TBC1D14: variants seen among roughly 807,000 people sequenced by gnomAD.
The protein encoded by TBC1D14 is TBC1 domain family member 14, also known as TBC1 domain family, member 14.
In TBC1D14, 26 loss-of-function variants were observed where a neutral mutation model predicts 79.0. That is an observed-to-expected ratio of 0.33 (90% CI 0.24 to 0.46). The LOEUF is 0.46. Among genes scored for constraint, TBC1D14 ranks in the 20% least tolerant of loss-of-function variants. The probability of loss-of-function intolerance (pLI) is 1.00; values close to 1 mark genes in which losing one functional copy is unlikely to be tolerated. For missense variants in TBC1D14, 769 were observed against 887.6 expected, an observed-to-expected ratio of 0.87 and a Z score of 1.70; for synonymous variants, 394 against 349.9, an observed-to-expected ratio of 1.13 and a Z score of -1.40.
At chr4:6,959,620 C>G (rs1405016880) in intron 2 of TBC1D14, among the ~76,000 whole-genome samples, 2 of 152,328 alleles carry the variant, frequency 1.3e-5, no homozygotes, top group East Asian at 3.9e-4. Context: ...GCGCTCCATG[C>G]AGCCCCTTCT....
At chr4:6,953,491 C>G (rs1304703123) in intron 2 of TBC1D14, among the ~76,000 whole-genome samples, 5 of 142,568 alleles carry the variant, frequency 3.5e-5, no homozygotes, top group South Asian at 2.2e-4. Context: ...ATTAGCCGGG[C>G]GAGGTGGCGG....
At chr4:6,914,498 G>C (rs560963067) in intron 1 of TBC1D14, among the ~76,000 whole-genome samples, 63 of 152,344 alleles carry the variant, frequency 4.1e-4, no homozygotes, top group African/African-American at 1.5e-3. Context: ...GTGTGTAGCA[G>C]TGGAAACAGT....
chr4:7,027,822 C>T (rs1348075549), intron 13 of TBC1D14, among the ~76,000 whole-genome samples: 1 of 147,304 alleles, frequency 6.8e-6, no homozygotes. Context: ...CCCTTAAATA[C>T]ACAGTCACCC....
intron 3 of TBC1D14, among the ~76,000 whole-genome samples, chr4:6,970,561 G>T (rs987307403): frequency 2.0e-5 from 3 of 152,276 alleles, no homozygotes; most frequent in African/African-American, 7.2e-5. Flanking sequence ...CATCTGCTTG[G>T]CCAACAAGTA....
intron 3 of TBC1D14, among the ~76,000 whole-genome samples, chr4:6,977,060 C>CCCG (rs1716782509): frequency 4.3e-5 from 1 of 23,520 alleles, no homozygotes; most frequent in Non-Finnish European, 1.2e-4. Flanking sequence ...CTCTCCCTCT[C>CCCG]CCTCCTCTCC....
chr4:6,976,146 G>C (rs1416690331), intron 3 of TBC1D14, among the ~76,000 whole-genome samples: 1 of 152,092 alleles, frequency 6.6e-6, no homozygotes, highest in Non-Finnish European at 1.5e-5. Context: ...AAAAAAATGA[G>C]TTTAAAAAAT....
At chr4:6,932,793 A>G (rs1040945740) in intron 2 of TBC1D14, among the ~76,000 whole-genome samples, 2 of 152,100 alleles carry the variant, frequency 1.3e-5, no homozygotes, top group Non-Finnish European at 2.9e-5. Flanking sequence ...CTACTGCAGA[A>G]TTTTGAGCAG....
intron 5 of TBC1D14, chr4:6,997,155 A>G (rs1168781647): frequency 2.0e-5 from 3 of 152,296 alleles, no homozygotes; most frequent in Admixed American, 1.3e-4. Context: ...TTGGTCAAAG[A>G]GAATGACCAT....
chr4:6,958,376 T>TATACACACACACACACAAAC (rs538972596), intron 2 of TBC1D14, among the ~76,000 whole-genome samples: 1 of 149,112 alleles, frequency 6.7e-6, no homozygotes. Context: ...TCCCCACATA[T>TATACACACACACACACAAAC]ACACACACAC....
intron 2 of TBC1D14, among the ~76,000 whole-genome samples, chr4:6,940,208 G>A (rs1396334812): frequency 6.6e-6 from 1 of 152,214 alleles, no homozygotes; most frequent in Non-Finnish European, 1.5e-5. Flanking sequence ...CCAGTCAGGC[G>A]CTCAGTAGCC....
chr4:7,025,360 C>G, intron 13 of TBC1D14, 98 bp downstream of exon 13: 1 of 1,532,532 alleles, frequency 6.5e-7, no homozygotes, highest in Non-Finnish European at 8.8e-7. Flanking sequence ...GGACGTAGCC[C>G]CTTTGATGGA....
chr4:6,948,571 G>C (rs1389607825), intron 2 of TBC1D14, among the ~76,000 whole-genome samples: 1 of 114,762 alleles, frequency 8.7e-6, no homozygotes, highest in Non-Finnish European at 1.8e-5. Flanking sequence ...GCGTGCCTGG[G>C]GGGTGGGACA....
At chr4:6,931,191 G>T (rs574893011) in intron 2 of TBC1D14, among the ~76,000 whole-genome samples, 1 of 152,306 alleles carries the variant, frequency 6.6e-6, no homozygotes, top group African/African-American at 2.4e-5. Context: ...GAGCCACCAC[G>T]CCCGGCCTCA....
At chr4:7,004,956 G>T (rs746171184) in intron 8 of TBC1D14, 32 bp downstream of exon 8, 1 of 1,584,948 alleles carries the variant, frequency 6.3e-7, no homozygotes, top group Non-Finnish European at 8.7e-7. Flanking sequence ...GCGGACTGCT[G>T]TGGTCAATTA....
chr4:7,004,300 G>A (rs527457873), intron 7 of TBC1D14, among the ~76,000 whole-genome samples: 10 of 152,338 alleles, frequency 6.6e-5, no homozygotes, highest in African/African-American at 1.9e-4. Context: ...AAGCTTCTGC[G>A]TATTCCTGGG....
Position 7,021,688 on chromosome 4 carries a change from CTTTTA to C in TBC1D14, c.1758-3312_1758-3308del, listed in dbSNP as rs564089340. ...TTTTTTTTTTACTTTTAAAAACATA[CTTTTA>C]TTTATTACTTTTAAAAAAATACCAT... On this transcript the variant is annotated intron_variant, in intron 12 of 13. Coordinates refer to ENST00000409757, the MANE Select transcript of TBC1D14 (RefSeq NM_020773.3). Among the ~76,000 whole-genome samples, 197 of 151,098 alleles carry C rather than the reference CTTTTA, an allele frequency of 1.3e-3. 2 individuals carry two copies. Among genetic ancestry groups the C allele is most frequent in the South Asian group, 0.012 (56 of 4,788 alleles).
At chr4:7,027,720 C>A (rs1328472811) in intron 13 of TBC1D14, among the ~76,000 whole-genome samples, 2 of 130,404 alleles carry the variant, frequency 1.5e-5, no homozygotes, top group African/African-American at 2.9e-5. Context: ...CAACCACACA[C>A]AATCACCCCC....
At position 6,987,624 on chromosome 4, in the gene TBC1D14, G is replaced by A. The variant is rs1479776345; in HGVS notation, c.844-6560G>A. 4 of 381,336 alleles carry A rather than the reference G, an allele frequency of 1.0e-5. No individual in the cohort carries two copies. In the East Asian group the frequency reaches 1.5e-4, roughly 14 times the overall value. The allele number at this position is 381,336 out of a possible 1,614,324, so 23.6% of individuals were successfully genotyped here. ...TCTGGTTCACGTTTACTAGGACGACGAGAGACAGCGTGAGCGAGCACGTCC... is the reference window on the plus strand; with the variant it reads ...TCTGGTTCACGTTTACTAGGACGACAAGAGACAGCGTGAGCGAGCACGTCC... On this transcript the variant is annotated intron_variant, in intron 3 of 13. Coordinates refer to ENST00000409757, the MANE Select transcript of TBC1D14 (RefSeq NM_020773.3).
intron 12 of TBC1D14, among the ~76,000 whole-genome samples, chr4:7,022,387 C>T (rs942378552): frequency 2.6e-5 from 4 of 152,228 alleles, no homozygotes; most frequent in South Asian, 2.1e-4. Flanking sequence ...GTGTCAGGAG[C>T]GTCCCTTCAC....
Sources: gnomAD v4.1 joint callset for allele counts (sites outside exome capture counted in the v4.1 genomes callset) on GRCh38, gnomAD v4.1.1 for gene constraint, MANE v1.5 for transcripts, NCBI Gene and HGNC (gene_info 2026-07-23, HGNC 2026-07-21) for gene names.